Variants in TMPRSS11A observed in about 807,000 individuals in gnomAD.
TMPRSS11A encodes transmembrane protease serine 11A.
Under a neutral mutation model 58.9 loss-of-function variants are expected in TMPRSS11A, and 53 were observed. The observed-to-expected ratio is 0.90, with a 90% CI of 0.72 to 1.13. TMPRSS11A has a LOEUF of 1.13. Among genes scored for constraint, TMPRSS11A ranks in the 50% most tolerant of loss-of-function variants. TMPRSS11A has a pLI of 0.00. For missense variants in TMPRSS11A, 493 were observed against 499.3 expected, an observed-to-expected ratio of 0.99 and a Z score of 0.12; for synonymous variants, 167 against 169.8, an observed-to-expected ratio of 0.98 and a Z score of 0.13.
intron 5 of TMPRSS11A, among the ~76,000 whole-genome samples, chr4:67,924,974 T>TC (rs1560565643): frequency 1.5e-4 from 2 of 12,976 alleles, no homozygotes; most frequent in African/African-American, 1.6e-3. Context: ...CACATAAATC[T>TC]TTTTTTTTTT....
At chr4:67,945,218 G>A (rs1720972581) in intron 2 of TMPRSS11A, among the ~76,000 whole-genome samples, 1 of 152,162 alleles carries the variant, frequency 6.6e-6, no homozygotes, top group African/African-American at 2.4e-5. Context: ...AATCTATTAG[G>A]AAATGTAAGA....
intron 9 of TMPRSS11A, among the ~76,000 whole-genome samples, chr4:67,912,153 T>C (rs1422057865): frequency 6.6e-6 from 1 of 152,198 alleles, no homozygotes. Flanking sequence ...GATAGTTTTC[T>C]ATGTACCTGG....
Position 67,951,588 on chromosome 4 carries a change from ATT to A in TMPRSS11A, c.12-5019_12-5018del, listed in dbSNP as rs34015767. 3.0e-3 allele frequency among the ~76,000 whole-genome samples: 399 copies of A among 133,270 alleles called. 2 individuals carry two copies. The highest frequency in any genetic ancestry group is 5.6e-3 in the East Asian group (28 of 5,004). 87.4% of individuals were successfully genotyped at this position (133,270 alleles called of 152,430 possible). On this transcript the variant is annotated intron_variant, in intron 1 of 9. Coordinates refer to ENST00000508048, the MANE Select transcript of TMPRSS11A (RefSeq NM_001114387.2). ...TCCAAGTCTCTTCTTTTGGGGGGATATTTTTTTTTTTTTGCTTTCTTGTACAT... is the reference window on the plus strand; with the variant it reads ...TCCAAGTCTCTTCTTTTGGGGGGATATTTTTTTTTTTGCTTTCTTGTACAT...
In TMPRSS11A at chr4:67,951,238, T is replaced by C. The variant is rs189954010; in HGVS notation, c.12-4667A>G. Reference sequence around the variant, plus strand: ...TGCCAGGTTTTTTCTAAAGATGCTGTCAATGAAAACATGGTAATAATTTGA... The same window carrying C: ...TGCCAGGTTTTTTCTAAAGATGCTGCCAATGAAAACATGGTAATAATTTGA... On this transcript the variant is annotated intron_variant, in intron 1 of 9. Coordinates refer to ENST00000508048, the MANE Select transcript of TMPRSS11A (RefSeq NM_001114387.2). Among the ~76,000 whole-genome samples the C allele has an allele frequency of 2.6e-5, 4 of 152,362 alleles. No homozygotes were observed. The East Asian group carries it at 7.7e-4, about 29-fold the overall frequency.
intron 9 of TMPRSS11A, among the ~76,000 whole-genome samples, chr4:67,914,342 T>G (rs1245590911): frequency 6.6e-6 from 1 of 152,212 alleles, no homozygotes; most frequent in African/African-American, 2.4e-5. Context: ...AATAAACTGC[T>G]TTATTAATCT....
intron 2 of TMPRSS11A, 66 bp downstream of exon 2, chr4:67,946,384 A>G (rs1721006312): frequency 3.3e-6 from 5 of 1,492,854 alleles, no homozygotes; most frequent in Non-Finnish European, 4.5e-6. Flanking sequence ...TTACATTTAC[A>G]TATATGTAAA....
intron 6 of TMPRSS11A, 120 bp from the exon 7 acceptor site, chr4:67,923,046 C>A: frequency 1.2e-6 from 1 of 821,466 alleles, no homozygotes; most frequent in Non-Finnish European, 1.9e-6. Flanking sequence ...GACACTTACC[C>A]CACCTGTCAC....
In TMPRSS11A at chr4:67,922,822, T is replaced by C; in HGVS notation, c.625A>G (p.Ile209Val). 1 of 1,614,162 alleles carries C rather than the reference T, an allele frequency of 6.2e-7. No homozygotes were observed. The highest frequency in any genetic ancestry group is 8.5e-7 in the Non-Finnish European group (1 of 1,180,036). ...ATCAAGGTGGCCCCACACTGATGGA[T>C]GTTATCATACTGAAGGGAAGCTTGC... Reference protein sequence around the residue: ...PWQASLQYDNIHQCGATLISN... With the variant: ...PWQASLQYDNVHQCGATLISN... Residue 209 changes from isoleucine (I) to valine (V), a missense_variant, in exon 7 of 10, where the codon ATC becomes GTC. Physicochemically the swap from Ile to Val is conservative, Grantham distance 29. Coordinates refer to ENST00000508048, the MANE Select transcript of TMPRSS11A (RefSeq NM_001114387.2).
rs1577852841 is a variant in TMPRSS11A, at chr4:67,919,311, TATAAG to T, written c.693-84_693-80del. 6 of 1,321,740 alleles carry T rather than the reference TATAAG, an allele frequency of 4.5e-6. No individual in the cohort carries two copies. In the East Asian group the frequency reaches 1.4e-4, roughly 31 times the overall value. The allele number at this position is 1,321,740 out of a possible 1,614,324, so 81.9% of individuals were successfully genotyped here. On this transcript the variant is annotated intron_variant, in intron 7 of 9. Coordinates refer to ENST00000508048, the MANE Select transcript of TMPRSS11A (RefSeq NM_001114387.2). ...GCTAGATTAATTGCATTTAGGCTAA[TATAAG>T]AGAAATACAATCCTGAGAATACTTG...
chr4:67,929,025 A>C (rs976699110), intron 5 of TMPRSS11A, among the ~76,000 whole-genome samples: 3 of 152,240 alleles, frequency 2.0e-5, no homozygotes, highest in African/African-American at 7.2e-5. Context: ...CCAAGAAACG[A>C]GTATCAAAGC....
chr4:67,911,441 A>C lies in TMPRSS11A; in HGVS notation c.1158T>G (p.Ile386Met). 1.2e-6 allele frequency: 2 copies of C among 1,613,612 alleles called. No individual in the cohort carries two copies. Among genetic ancestry groups the C allele is most frequent in the South Asian group, 2.2e-5 (2 of 91,028 alleles). Residue 386 changes from isoleucine (I) to methionine (M), a missense_variant, in exon 10 of 10, where the codon ATT becomes ATG. Physicochemically the swap from Ile to Met is conservative, Grantham distance 10. Transcript: ENST00000508048. Reference sequence around the variant, plus strand: ...GACCACAGTTATCTCCCCAGCTTACAATTCCAATGAGATACCACGTATCTT... The same window carrying C: ...GACCACAGTTATCTCCCCAGCTTACCATTCCAATGAGATACCACGTATCTT... ...DLKDTWYLIG[I>M]VSWGDNCGQK... is the part of the protein sequence containing the mutation.
In TMPRSS11A at chr4:67,919,022, T is replaced by C. The variant is rs770842530; in HGVS notation, c.903A>G (p.Gln301=). The change falls in exon 8 of 10, where the codon CAA becomes CAG. Residue 301 remains glutamine, a synonymous_variant. Coordinates refer to ENST00000508048, the MANE Select transcript of TMPRSS11A (RefSeq NM_001114387.2). ...ICLPEASASF[Q]PNLTVHITGF... ...CTGTGATGTGGACAGTCAAATTTGG[T>C]TGGAAGGATGCAGAGGCTTCTGGCA... The C allele has an allele frequency of 3.1e-6, 5 of 1,613,974 alleles. No homozygotes were observed. The highest frequency in any genetic ancestry group is 3.3e-5 in the Admixed American group (2 of 59,998).
At chr4:67,924,749 C>T (rs901029274) in intron 5 of TMPRSS11A, among the ~76,000 whole-genome samples, 1 of 152,112 alleles carries the variant, frequency 6.6e-6, no homozygotes, top group Non-Finnish European at 1.5e-5. Flanking sequence ...TCATTCACTA[C>T]CATAGAACAG....
At chr4:67,924,107 A>G (rs1720401107) in intron 6 of TMPRSS11A, 21 bp downstream of exon 6, 4 of 1,606,476 alleles carry the variant, frequency 2.5e-6, no homozygotes, top group African/African-American at 1.3e-5. Context: ...GAACTTGTTT[A>G]TATAAGCTAA....
At chr4:67,944,317 A>G (rs1720948364) in intron 3 of TMPRSS11A, among the ~76,000 whole-genome samples, 1 of 152,114 alleles carries the variant, frequency 6.6e-6, no homozygotes, top group Non-Finnish European at 1.5e-5. Context: ...TTTGTTAGAC[A>G]TGCAGATTCC....
chr4:67,919,214 T>C lies in TMPRSS11A; in HGVS notation c.711A>G (p.Gln237=). 1 of 1,613,920 alleles carries C rather than the reference T, an allele frequency of 6.2e-7. No individual in the cohort carries two copies. The highest frequency in any genetic ancestry group is 8.5e-7 in the Non-Finnish European group (1 of 1,179,868). Residue 237 remains glutamine (Q), a synonymous_variant, in exon 8 of 10, where the codon CAA becomes CAG. Transcript: ENST00000508048. ...HCFQKYKNPH[Q]WTVSFGTKIN... ...TTTTTGTTCCAAAACTAACAGTCCA[T>C]TGATGTGGATTTTTATACCTGGAAA...
At chr4:67,926,391 T>C (rs549827290) in intron 5 of TMPRSS11A, among the ~76,000 whole-genome samples, 3 of 152,376 alleles carry the variant, frequency 2.0e-5, no homozygotes, top group Admixed American at 6.5e-5. Context: ...CTATAAAAAA[T>C]TGACGTAAAG....
At position 67,929,885 on chromosome 4, in the gene TMPRSS11A, A is replaced by G. The variant is rs1273065252; in HGVS notation, c.476T>C (p.Val159Ala). ...ATAGAAGGGGACCTCCTTACCATTA[A>G]CTTGAACTGATGAGGCATTTATTGG... ...ALPINASSVQ[V>A]NAMSSSTGEL... Residue 159 changes from valine (V) to alanine (A), a missense_variant, in exon 5 of 10, where the codon GTT becomes GCT. Physicochemically the swap from Val to Ala is moderately conservative, Grantham distance 64. Transcript: ENST00000508048. The G allele has an allele frequency of 6.2e-7, 1 of 1,610,202 alleles. No individual in the cohort carries two copies. The highest frequency in any genetic ancestry group is 8.5e-7 in the Non-Finnish European group (1 of 1,177,532).
At chr4:67,950,120 C>T (rs1721123405) in intron 1 of TMPRSS11A, among the ~76,000 whole-genome samples, 1 of 152,166 alleles carries the variant, frequency 6.6e-6, no homozygotes, top group Non-Finnish European at 1.5e-5. Context: ...TTTATTAGCT[C>T]ACAGCTCTGT....
Sources: gnomAD v4.1 joint callset for allele counts (sites outside exome capture counted in the v4.1 genomes callset) on GRCh38, gnomAD v4.1.1 for gene constraint, MANE v1.5 for transcripts, NCBI Gene and HGNC (gene_info 2026-07-23, HGNC 2026-07-21) for gene names.